The following CDH13 variants were observed in gnomAD, a reference collection of about 807,000 sequenced individuals.
The protein encoded by CDH13 is cadherin-13.
A neutral mutation model predicts 63.8 loss-of-function variants in CDH13; 24 were observed. That is an observed-to-expected ratio of 0.38 (90% CI 0.27 to 0.53). The LOEUF is 0.53. Ranked by LOEUF, CDH13 falls within the 20% of genes least tolerant of loss-of-function variation. The pLI, the probability that CDH13 is intolerant of heterozygous loss-of-function variation, is 0.85. For synonymous variants in CDH13, 503 were observed against 355.3 expected (o/e 1.42, Z -4.67); for missense variants, 1,049 against 903.1 (o/e 1.16, Z -2.07).
intron 2 of CDH13, chr16:83,023,056 C>G (rs1597158847): frequency 6.6e-6 from 1 of 152,152 alleles, no homozygotes; most frequent in Non-Finnish European, 1.5e-5. Context: ...CCCCAAGAAC[C>G]ACCTTCAAAA....
chr16:83,403,642 A>G, intron 6 of CDH13, among the ~76,000 whole-genome samples: 1 of 152,100 alleles, frequency 6.6e-6, no homozygotes, highest in East Asian at 1.9e-4. Context: ...AATAATAATA[A>G]TAATAATGTA....
At chr16:82,667,173 T>C (rs12928159) in intron 1 of CDH13, among the ~76,000 whole-genome samples, 8,966 of 152,142 alleles carry the variant, frequency 0.059, 311 homozygotes, top group Middle Eastern at 0.18. Context: ...AATGCAGCAG[T>C]AGGGTATTGA....
chr16:82,692,809 C>T (rs1915767666), intron 1 of CDH13, among the ~76,000 whole-genome samples: 2 of 23,190 alleles, frequency 8.6e-5, no homozygotes, highest in African/African-American at 1.0e-4. Context: ...GAGACCTGCA[C>T]AGGCATTTTT....
chr16:83,394,110 G>T (rs1469109575), intron 6 of CDH13, among the ~76,000 whole-genome samples: 1 of 152,056 alleles, frequency 6.6e-6, no homozygotes. Flanking sequence ...GTTGGGAGGA[G>T]GGAGAGGAGC....
intron 6 of CDH13, among the ~76,000 whole-genome samples, chr16:83,392,145 C>T (rs1037746209): frequency 6.6e-6 from 1 of 152,164 alleles, no homozygotes; most frequent in Non-Finnish European, 1.5e-5. Context: ...TTAACCCTGC[C>T]TTGAATGACT....
At chr16:83,405,362 GA>G (rs2092026646) in intron 6 of CDH13, among the ~76,000 whole-genome samples, 1 of 152,142 alleles carries the variant, frequency 6.6e-6, no homozygotes, top group Admixed American at 6.5e-5. Context: ...TAAGGATCTT[GA>G]TTTAAAGAAG....
At chr16:83,072,756 C>T (rs757326403) in intron 3 of CDH13, among the ~76,000 whole-genome samples, 9 of 152,136 alleles carry the variant, frequency 5.9e-5, no homozygotes, top group Non-Finnish European at 1.3e-4. Context: ...TAAAATTCCC[C>T]TAAGAACACC....
intron 10 of CDH13, among the ~76,000 whole-genome samples, chr16:83,697,736 C>T (rs1032688866): frequency 3.9e-5 from 6 of 152,218 alleles, no homozygotes; most frequent in Non-Finnish European, 8.8e-5. Context: ...CAACCTCCAC[C>T]TCCCACGTTC....
intron 4 of CDH13, among the ~76,000 whole-genome samples, chr16:83,165,943 G>A (rs948638759): frequency 6.6e-6 from 1 of 152,118 alleles, no homozygotes; most frequent in African/African-American, 2.4e-5. Flanking sequence ...GGGAGAGGCT[G>A]GAGGGCCTCA....
chr16:83,194,295 C>T (rs1597495036), intron 4 of CDH13, among the ~76,000 whole-genome samples: 1 of 152,214 alleles, frequency 6.6e-6, no homozygotes, highest in Non-Finnish European at 1.5e-5. Flanking sequence ...TTTTAGGACT[C>T]ACAATGCAAG....
At chr16:82,790,261 C>A (rs1475441783) in intron 1 of CDH13, among the ~76,000 whole-genome samples, 1 of 152,026 alleles carries the variant, frequency 6.6e-6, no homozygotes, top group Non-Finnish European at 1.5e-5. Flanking sequence ...AGGGTGAAAC[C>A]CCATCTCTAC....
At chr16:83,223,634 C>G (rs1057107608) in intron 5 of CDH13, among the ~76,000 whole-genome samples, 6 of 152,324 alleles carry the variant, frequency 3.9e-5, no homozygotes, top group African/African-American at 9.6e-5. Flanking sequence ...CAAAGCACAG[C>G]TGTGGCCTCC....
At chr16:83,204,968 C>A (rs11150546) in intron 4 of CDH13, among the ~76,000 whole-genome samples, 151,724 of 152,356 alleles carry the variant, frequency 1, 75,550 homozygotes, top group Middle Eastern at 1. Context: ...CACTAGCTAA[C>A]GCAAGTCCCA....
At chr16:83,013,162 C>A (rs184492052) in intron 2 of CDH13, among the ~76,000 whole-genome samples, 7 of 152,264 alleles carry the variant, frequency 4.6e-5, no homozygotes, top group Admixed American at 6.5e-5. Flanking sequence ...GGCTTATGAG[C>A]GAGATATTCT....
intron 6 of CDH13, among the ~76,000 whole-genome samples, chr16:83,426,921 TTTTTTTTTTTTTTTTTTTG>T (rs2071925300): frequency 1.0e-5 from 1 of 99,862 alleles, no homozygotes; most frequent in African/African-American, 3.7e-5. Context: ...TTTTTTTTTT[TTTTTTTTTTTTTTTTTTTG>T]AAGACGGAGT....
intron 7 of CDH13, among the ~76,000 whole-genome samples, chr16:83,552,298 C>T (rs531306060): frequency 6.6e-6 from 1 of 152,236 alleles, no homozygotes; most frequent in East Asian, 1.9e-4. Flanking sequence ...AATGGGAGGC[C>T]AGAACCCAGC....
chr16:83,545,598 T>A (rs1196509515), intron 7 of CDH13, among the ~76,000 whole-genome samples: 7 of 152,136 alleles, frequency 4.6e-5, no homozygotes, highest in Non-Finnish European at 1.0e-4. Flanking sequence ...GTGATGGAAT[T>A]AAAGTCCTTC....
chr16:83,142,160 G>GT (rs11445521), intron 4 of CDH13, among the ~76,000 whole-genome samples: 22,527 of 120,290 alleles, frequency 0.19, 2,647 homozygotes, highest in East Asian at 0.54. Context: ...GTTTGTTTTT[G>GT]TTTTTTTTTT....
chr16:83,192,687 C>G (rs548221503), intron 4 of CDH13, among the ~76,000 whole-genome samples: 1 of 152,012 alleles, frequency 6.6e-6, no homozygotes, highest in South Asian at 2.1e-4. Context: ...CAGGTGTTTG[C>G]GTGCTGTATC....
Sources: gnomAD v4.1 joint callset for allele counts (sites outside exome capture counted in the v4.1 genomes callset) on GRCh38, gnomAD v4.1.1 for gene constraint, MANE v1.5 for transcripts, NCBI Gene and HGNC (gene_info 2026-07-23, HGNC 2026-07-21) for gene names.